DGKZ: variants seen among roughly 807,000 people sequenced by gnomAD.
The protein encoded by DGKZ is diacylglycerol kinase zeta.
In DGKZ, 45 loss-of-function variants were observed where a neutral mutation model predicts 142.5. That is an observed-to-expected ratio of 0.32 (90% confidence interval 0.25 to 0.40). The LOEUF (loss-of-function observed/expected upper bound fraction) is 0.40. DGKZ is among the 10% of genes least tolerant of loss of function. The pLI, the probability that DGKZ is intolerant of heterozygous loss-of-function variation, is 1.00. For synonymous variants in DGKZ, 442 were observed against 527.0 expected, an observed-to-expected ratio of 0.84 and a Z score of 2.21; for missense variants, 755 against 1,306.5, an observed-to-expected ratio of 0.58 and a Z score of 6.51.
intron 1 of DGKZ, among the ~76,000 whole-genome samples, chr11:46,334,845 G>C (rs1271879840): frequency 2.6e-5 from 4 of 152,168 alleles, no homozygotes; most frequent in African/African-American, 9.7e-5. Flanking sequence ...GCAAAGAATG[G>C]AGACTCCTGG....
At chr11:46,345,238 C>CAG, upstream of DGKZ, 1 of 1,349,524 alleles carries the variant, frequency 7.4e-7, no homozygotes, top group Non-Finnish European at 9.4e-7. This position sits in a 1 kb window ranked among gnomAD's most constrained non-coding sequence, Gnocchi z 4.1. Context: ...CCCACCTGCC[C>CAG]CTTGCTTTCT....
intron 14 of DGKZ, among the ~76,000 whole-genome samples, chr11:46,373,714 T>C (rs1169249722): frequency 2.0e-5 from 3 of 152,106 alleles, no homozygotes; most frequent in Admixed American, 2.0e-4. Flanking sequence ...GTCAGCCTGG[T>C]TTTGAACTCC....
intron 1 of DGKZ, among the ~76,000 whole-genome samples, chr11:46,363,378 C>T (rs1163358333): frequency 6.6e-6 from 1 of 152,226 alleles, no homozygotes; most frequent in Non-Finnish European, 1.5e-5. Flanking sequence ...TCCCCAGACA[C>T]ACAGGGAAAC....
chr11:46,335,457 A>G (rs1173046682), intron 1 of DGKZ, among the ~76,000 whole-genome samples: 8 of 151,912 alleles, frequency 5.3e-5, no homozygotes, highest in African/African-American at 7.3e-5. Flanking sequence ...ACACACACGC[A>G]CACAGCGGCA....
chr11:46,375,985 A>G, intron 21 of DGKZ, 34 bp downstream of exon 21: 1 of 1,611,686 alleles, frequency 6.2e-7, no homozygotes, highest in Non-Finnish European at 8.5e-7. Context: ...CAGGGTGGCC[A>G]GGAGGGGCTG....
chr11:46,369,277 G>A, intron 4 of DGKZ: 1 of 634,510 alleles, frequency 1.6e-6, no homozygotes, highest in Non-Finnish European at 2.9e-6. Context: ...CTGGGTCCTG[G>A]GTGGAAGAAG....
intron 1 of DGKZ, chr11:46,333,587 C>A (rs1018520384): frequency 4.3e-6 from 5 of 1,172,598 alleles, no homozygotes; most frequent in Non-Finnish European, 1.2e-6. Context: ...GCCTGCCTGG[C>A]GCTGGGAGTT....
chr11:46,346,615 G>A (rs1940642100), upstream of DGKZ, among the ~76,000 whole-genome samples: 3 of 152,222 alleles, frequency 2.0e-5, no homozygotes, highest in Admixed American at 2.0e-4. Flanking sequence ...GGTAACCATT[G>A]TCCTGGGAGT....
chr11:46,374,880 C>A, intron 18 of DGKZ, 41 bp downstream of exon 18: 1 of 1,583,186 alleles, frequency 6.3e-7, no homozygotes, highest in Non-Finnish European at 8.6e-7. Context: ...GCCCTGCTGT[C>A]CTTGTCCTGC....
chr11:46,374,467 T>C lies in DGKZ; in HGVS notation c.1461+13T>C, dbSNP rs1284699750. 2 of 1,613,872 alleles carry C rather than the reference T, an allele frequency of 1.2e-6. No homozygotes were observed. The highest frequency in any genetic ancestry group is 2.7e-5 in the African/African-American group (2 of 75,036). Reference sequence around the variant, plus strand: ...GTTCTACGCCGGGGTGAGTGGGGTCTGCACCCCCGCCTGTGCCCACCTCTT... The same window carrying C: ...GTTCTACGCCGGGGTGAGTGGGGTCCGCACCCCCGCCTGTGCCCACCTCTT... On this transcript the variant is annotated intron_variant, in intron 16 of 30. Transcript: ENST00000527911.
chr11:46,371,891 T>C, intron 9 of DGKZ, 116 bp downstream of exon 9: 1 of 1,337,498 alleles, frequency 7.5e-7, no homozygotes, highest in African/African-American at 1.5e-5. Context: ...CTGTGTGGGC[T>C]CTGGGGCCTC....
chr11:46,365,321 G>A (rs1362392069), intron 1 of DGKZ: 37 of 985,276 alleles, frequency 3.8e-5, no homozygotes, highest in African/African-American at 5.2e-5. Flanking sequence ...AGGGTTTCCC[G>A]GCATCACCCA....
intron 1 of DGKZ, chr11:46,365,481 G>C (rs1262309696): frequency 1.0e-6 from 1 of 985,246 alleles, no homozygotes; most frequent in Non-Finnish European, 1.2e-6. Context: ...CAAGCCTATT[G>C]TCACGGCCCC....
chr11:46,352,181 C>T (rs772442328), intron 1 of DGKZ, among the ~76,000 whole-genome samples: 1 of 152,216 alleles, frequency 6.6e-6, no homozygotes, highest in African/African-American at 2.4e-5. Context: ...AGTCTTAGGC[C>T]GCGCGGGCCC....
At chr11:46,335,188 C>A (rs1939954790) in intron 1 of DGKZ, among the ~76,000 whole-genome samples, 1 of 151,998 alleles carries the variant, frequency 6.6e-6, no homozygotes, top group African/African-American at 2.4e-5. Flanking sequence ...GTGGCAGGCA[C>A]CTGTAATCCC....
At chr11:46,335,080 G>A (rs944935106) in intron 1 of DGKZ, among the ~76,000 whole-genome samples, 35 of 152,134 alleles carry the variant, frequency 2.3e-4, no homozygotes, top group Non-Finnish European at 8.8e-5. Context: ...TTGGGAGGCC[G>A]AGGCAGGAGG....
In DGKZ at chr11:46,371,785, A is replaced by T. The variant is rs1435775894; in HGVS notation, c.831+10A>T. 6.2e-7 allele frequency: 1 copy of T among 1,611,828 alleles called. No homozygotes were observed. Among genetic ancestry groups the T allele is most frequent in the Admixed American group, 1.7e-5 (1 of 59,748 alleles). On this transcript the variant is annotated intron_variant, in intron 9 of 30. Coordinates refer to ENST00000527911, the Ensembl canonical transcript of DGKZ. Reference sequence around the variant, plus strand: ...CAAGAAAGGGCCTGAGGTCAGCCCCAGGCTGGGCAGAGGCTGCAGGGGAGC... The same window carrying T: ...CAAGAAAGGGCCTGAGGTCAGCCCCTGGCTGGGCAGAGGCTGCAGGGGAGC...
chr11:46,348,150 C>A lies in DGKZ; in HGVS notation c.161+330C>A, dbSNP rs892007516. ...AGCAGGAAGATGGAATCACCCCAGC[C>A]CCCGGCACAAGCAGGTTGGGCCCCC... On this transcript the variant is annotated intron_variant, in intron 1 of 30. Coordinates refer to ENST00000527911, the Ensembl canonical transcript of DGKZ. Among the ~76,000 whole-genome samples, 203 of 152,274 alleles carry A rather than the reference C, an allele frequency of 1.3e-3. 3 individuals carry two copies. The highest frequency in any genetic ancestry group is 0.013 in the Admixed American group (201 of 15,302).
chr11:46,365,607 G>T (rs1943162369), intron 1 of DGKZ: 1 of 985,242 alleles, frequency 1.0e-6, no homozygotes, highest in African/African-American at 1.7e-5. Flanking sequence ...CTATTTCCAG[G>T]AGTCACCTTC....
Sources: gnomAD v4.1 joint callset for allele counts (sites outside exome capture counted in the v4.1 genomes callset) on GRCh38, gnomAD v4.1.1 for gene constraint, Gnocchi (gnomAD v3.1) non-coding constraint, MANE v1.5 for transcripts, NCBI Gene and HGNC (gene_info 2026-07-23, HGNC 2026-07-21) for gene names.